NCK2: variants seen among roughly 807,000 people sequenced by gnomAD.
NCK2 encodes cytoplasmic protein NCK2.
In NCK2, 16 loss-of-function variants were observed where a neutral mutation model predicts 33.9. That is an observed-to-expected ratio of 0.47 (90% CI 0.32 to 0.72). NCK2 has a LOEUF of 0.72. NCK2 is among the 30% of genes least tolerant of loss of function. The pLI is 0.03. For synonymous variants in NCK2, 273 were observed against 239.9 expected (o/e 1.14, Z -1.27); for missense variants, 418 against 537.3 (o/e 0.78, Z 2.19).
intron 1 of NCK2, among the ~76,000 whole-genome samples, chr2:105,752,228 T>C (rs1573551308): frequency 6.6e-6 from 1 of 152,190 alleles, no homozygotes; most frequent in East Asian, 1.9e-4. Context: ...AAAGTTGAGA[T>C]AGCTAAAGAG....
intron 2 of NCK2, among the ~76,000 whole-genome samples, chr2:105,838,960 A>G (rs1212237657): frequency 6.6e-6 from 1 of 152,240 alleles, no homozygotes; most frequent in Non-Finnish European, 1.5e-5. Flanking sequence ...AAGAGAAAAC[A>G]GAAGAAAGGA....
chr2:105,761,620 G>A (rs1412160519), intron 1 of NCK2, among the ~76,000 whole-genome samples: 2 of 152,226 alleles, frequency 1.3e-5, no homozygotes, highest in Non-Finnish European at 1.5e-5. Flanking sequence ...GCTCATGCCT[G>A]TAATCCCAGC....
chr2:105,883,392 G>A (rs112190567), intron 4 of NCK2, among the ~76,000 whole-genome samples: 2 of 152,178 alleles, frequency 1.3e-5, no homozygotes, highest in South Asian at 2.1e-4. Context: ...TAAGTGCTTG[G>A]TCCAGAGTCC....
At chr2:105,854,615 A>T (rs1677187760) in intron 2 of NCK2, 1 of 153,904 alleles carries the variant, frequency 6.5e-6, no homozygotes, top group African/African-American at 2.4e-5. Context: ...TTATTAGTAC[A>T]ATGTTAATTT....
At chr2:105,781,314 G>A (rs1189951201) in intron 1 of NCK2, among the ~76,000 whole-genome samples, 1 of 146,978 alleles carries the variant, frequency 6.8e-6, no homozygotes, top group East Asian at 1.9e-4. Flanking sequence ...GCCTTTGCAG[G>A]TCCTGTTGCT....
At chr2:105,750,442 C>A (rs1475680334) in intron 1 of NCK2, among the ~76,000 whole-genome samples, 1 of 152,180 alleles carries the variant, frequency 6.6e-6, no homozygotes, top group African/African-American at 2.4e-5. Flanking sequence ...TTCAGCCACT[C>A]CCAGTGTGTC....
chr2:105,768,605 G>A (rs72825110), intron 1 of NCK2, among the ~76,000 whole-genome samples: 48,235 of 152,150 alleles, frequency 0.32, 8,652 homozygotes, highest in East Asian at 0.45. Flanking sequence ...TCCAACCCGC[G>A]GTCCAGGATG....
Position 105,882,016 on chromosome 2 carries a change from G to A in NCK2, c.915G>A (p.Glu305=). The A allele has an allele frequency of 6.6e-7, 1 of 1,505,400 alleles. No individual in the cohort carries two copies. The highest frequency in any genetic ancestry group is 8.9e-7 in the Non-Finnish European group (1 of 1,126,428). 93.3% of individuals were successfully genotyped at this position (1,505,400 alleles called of 1,614,324 possible). The change falls in exon 4 of 5, where the codon GAG becomes GAA. Residue 305 remains glutamate (E), a synonymous_variant. Transcript: ENST00000233154. ...AECALNERGV[E]GDFLIRDSES... is the part of the protein sequence containing the mutation. ...GCGCCCTCAACGAGCGGGGCGTGGA[G>A]GGCGACTTCCTCATTAGGGACAGCG...
intron 2 of NCK2, among the ~76,000 whole-genome samples, chr2:105,853,591 A>G (rs1001573845): frequency 6.6e-5 from 10 of 152,108 alleles, no homozygotes; most frequent in African/African-American, 2.4e-4. Flanking sequence ...GTCTCCATAG[A>G]TTTGTCTTTT....
At chr2:105,873,765 T>C (rs1017560202) in intron 3 of NCK2, among the ~76,000 whole-genome samples, 3 of 152,282 alleles carry the variant, frequency 2.0e-5, no homozygotes, top group South Asian at 2.1e-4. Context: ...GGAAGTACGA[T>C]TGGATCCAGG....
chr2:105,797,598 G>C (rs1691128606), intron 1 of NCK2, among the ~76,000 whole-genome samples: 2 of 152,228 alleles, frequency 1.3e-5, no homozygotes, highest in African/African-American at 4.8e-5. Context: ...AGCCTGGTCT[G>C]GTTGGAGTCC....
chr2:105,775,406 T>C (rs745424219), intron 1 of NCK2, among the ~76,000 whole-genome samples: 3 of 152,242 alleles, frequency 2.0e-5, no homozygotes, highest in Non-Finnish European at 4.4e-5. Flanking sequence ...GGTAGATAGA[T>C]AATTATTTTT....
At chr2:105,890,087 A>G (rs1678909740) in intron 4 of NCK2, among the ~76,000 whole-genome samples, 1 of 152,140 alleles carries the variant, frequency 6.6e-6, no homozygotes, top group Non-Finnish European at 1.5e-5. Context: ...AAATTAAAGA[A>G]CACTCCCCAA....
At chr2:105,835,408 T>TATGTATATGTATATATATATAC (rs1553458610) in intron 2 of NCK2, among the ~76,000 whole-genome samples, 4 of 41,252 alleles carry the variant, frequency 9.7e-5, no homozygotes, top group South Asian at 1.1e-3. Flanking sequence ...TATATATACG[T>TATGTATATGTATATATATATAC]GTATATATAT....
chr2:105,865,589 G>T (rs912357779), intron 3 of NCK2, among the ~76,000 whole-genome samples: 1 of 152,164 alleles, frequency 6.6e-6, no homozygotes, highest in Non-Finnish European at 1.5e-5. Context: ...GTTCTGCCTG[G>T]ACCCTAGGGA....
At chr2:105,746,512 G>C (rs967777207) in intron 1 of NCK2, among the ~76,000 whole-genome samples, 5 of 152,234 alleles carry the variant, frequency 3.3e-5, no homozygotes, top group African/African-American at 1.2e-4. Flanking sequence ...TACCAAAACG[G>C]AACTGTGCGT....
chr2:105,751,385 G>T (rs1323867237), intron 1 of NCK2, among the ~76,000 whole-genome samples: 1 of 152,116 alleles, frequency 6.6e-6, no homozygotes, highest in Non-Finnish European at 1.5e-5. Flanking sequence ...ATCCATCCCA[G>T]GGTGACTGCA....
At chr2:105,879,659 C>T (rs984833814) in intron 3 of NCK2, among the ~76,000 whole-genome samples, 1 of 152,266 alleles carries the variant, frequency 6.6e-6, no homozygotes, top group Admixed American at 6.5e-5. Flanking sequence ...CCTCACATGC[C>T]TCCTGGCGCC....
intron 4 of NCK2, among the ~76,000 whole-genome samples, chr2:105,887,308 G>A (rs960120885): frequency 6.6e-6 from 1 of 152,216 alleles, no homozygotes; most frequent in Non-Finnish European, 1.5e-5. Flanking sequence ...ACAGAAGAGT[G>A]CCTTCTGTAA....
Sources: gnomAD v4.1 joint callset for allele counts (sites outside exome capture counted in the v4.1 genomes callset) on GRCh38, gnomAD v4.1.1 for gene constraint, MANE v1.5 for transcripts, NCBI Gene and HGNC (gene_info 2026-07-23, HGNC 2026-07-21) for gene names.